HORMAD2: variants seen among roughly 807,000 people sequenced by gnomAD.
HORMAD2 encodes the protein HORMA domain containing 2.
A neutral mutation model predicts 38.8 loss-of-function variants in HORMAD2; 45 were observed. The observed-to-expected ratio is 1.16, with a 90% CI of 0.91 to 1.49. HORMAD2 has a LOEUF of 1.49. HORMAD2 is among the 40% of genes most tolerant of loss of function. The probability of loss-of-function intolerance (pLI) is 0.00; values close to 1 mark genes in which losing one functional copy is unlikely to be tolerated. For missense variants in HORMAD2, 338 were observed against 367.0 expected (o/e 0.92, Z 0.65); for synonymous variants, 126 against 122.8 (o/e 1.03, Z -0.17).
intron 1 of HORMAD2, among the ~76,000 whole-genome samples, chr22:30,082,043 A>G (rs916429105): frequency 1.3e-5 from 2 of 152,200 alleles, no homozygotes; most frequent in Non-Finnish European, 2.9e-5. Context: ...GCTGAAAAAA[A>G]GATTCTTCCT....
chr22:30,190,678 T>C, the HORMAD2 span, among the ~76,000 whole-genome samples: 507 of 152,324 alleles, frequency 3.3e-3, 3 homozygotes, highest in Middle Eastern at 0.014. Context: ...ACTGTGAAAG[T>C]GGCCCTGAGC....
rs1470314293 is a variant in HORMAD2, at chr22:30,112,532, C to T, written c.342+10C>T. On this transcript the variant is annotated intron_variant, in intron 7 of 10. Transcript: ENST00000336726. ...TCCCATGGGATCTGAGGTAAGAACACACACAAACGTATAGGTGGGTAGTAT... is the reference window on the plus strand; with the variant it reads ...TCCCATGGGATCTGAGGTAAGAACATACACAAACGTATAGGTGGGTAGTAT... The T allele has an allele frequency of 7.7e-7, 1 of 1,295,094 alleles. No individual in the cohort carries two copies. The highest frequency in any genetic ancestry group is 1.0e-6 in the Non-Finnish European group (1 of 964,200). 80.2% of individuals were successfully genotyped at this position (1,295,094 alleles called of 1,614,324 possible).
the HORMAD2 span, among the ~76,000 whole-genome samples, chr22:30,201,003 G>A: frequency 6.6e-6 from 1 of 152,088 alleles, no homozygotes; most frequent in Non-Finnish European, 1.5e-5. Context: ...GCCCACCTCG[G>A]CCTCCCAAAG....
intron 10 of HORMAD2, among the ~76,000 whole-genome samples, chr22:30,160,901 A>G (rs1359856371): frequency 1.3e-5 from 2 of 152,254 alleles, no homozygotes; most frequent in Non-Finnish European, 2.9e-5. Flanking sequence ...CATAAATAAT[A>G]TGAAAATTAA....
the HORMAD2 span, among the ~76,000 whole-genome samples, chr22:30,186,010 G>C: frequency 6.6e-6 from 1 of 151,878 alleles, no homozygotes; most frequent in Non-Finnish European, 1.5e-5. Flanking sequence ...TTTTCTTGGG[G>C]GGGGAGGCAT....
At chr22:30,079,517 T>A (rs1601485943), upstream of HORMAD2, among the ~76,000 whole-genome samples, 1 of 152,190 alleles carries the variant, frequency 6.6e-6, no homozygotes, top group Non-Finnish European at 1.5e-5. Flanking sequence ...TCTTTTTTTT[T>A]ATTTTTGAGA....
chr22:30,132,287 A>AC (rs1923335870), intron 10 of HORMAD2, among the ~76,000 whole-genome samples: 1 of 152,216 alleles, frequency 6.6e-6, no homozygotes, highest in African/African-American at 2.4e-5. Context: ...GCCTTAAAAA[A>AC]ACACACACAT....
intron 3 of HORMAD2, among the ~76,000 whole-genome samples, chr22:30,101,732 A>G (rs1426377678): frequency 1.3e-5 from 2 of 152,154 alleles, no homozygotes; most frequent in African/African-American, 4.8e-5. Flanking sequence ...TTACATCTGT[A>G]TTTAATGATA....
At chr22:30,154,010 C>T (rs534889779) in intron 10 of HORMAD2, among the ~76,000 whole-genome samples, 8 of 152,318 alleles carry the variant, frequency 5.3e-5, no homozygotes, top group Admixed American at 2.0e-4. Context: ...AGATGTCAAT[C>T]TATTCATGTC....
At chr22:30,119,742 A>G (rs1429876752) in intron 8 of HORMAD2, among the ~76,000 whole-genome samples, 3 of 152,172 alleles carry the variant, frequency 2.0e-5, no homozygotes, top group Non-Finnish European at 4.4e-5. Context: ...GAGGAATCCA[A>G]GTAAGGGGGA....
chr22:30,149,291 A>G (rs1391987008), intron 10 of HORMAD2, among the ~76,000 whole-genome samples: 1 of 152,180 alleles, frequency 6.6e-6, no homozygotes, highest in African/African-American at 2.4e-5. Context: ...GATTATCTGC[A>G]CTGCCCAAAA....
At chr22:30,141,020 A>G (rs1044027881) in intron 10 of HORMAD2, among the ~76,000 whole-genome samples, 12 of 151,318 alleles carry the variant, frequency 7.9e-5, no homozygotes, top group African/African-American at 2.9e-4. Flanking sequence ...TTGACACAGT[A>G]TCTCTCTCTC....
intron 5 of HORMAD2, among the ~76,000 whole-genome samples, chr22:30,109,565 C>A (rs1921471101): frequency 6.6e-6 from 1 of 152,142 alleles, no homozygotes; most frequent in African/African-American, 2.4e-5. Flanking sequence ...GATCTGCCCA[C>A]CTTGGGCTCC....
intron 10 of HORMAD2, among the ~76,000 whole-genome samples, chr22:30,147,989 G>T (rs1924522280): frequency 6.6e-6 from 1 of 152,046 alleles, no homozygotes. Flanking sequence ...TCACTCCTAG[G>T]TATTTACCCA....
chr22:30,197,578 A>G, the HORMAD2 span, among the ~76,000 whole-genome samples: 2 of 152,188 alleles, frequency 1.3e-5, no homozygotes, highest in South Asian at 4.1e-4. Flanking sequence ...GCCCTCAGCA[A>G]CAAGATTGGC....
intron 10 of HORMAD2, among the ~76,000 whole-genome samples, chr22:30,143,000 G>A (rs536281343): frequency 6.6e-6 from 1 of 151,898 alleles, no homozygotes; most frequent in East Asian, 1.9e-4. Context: ...TCTATTAATG[G>A]TACAAGATCA....
chr22:30,107,903 C>T (rs1315658315), intron 5 of HORMAD2, among the ~76,000 whole-genome samples: 1 of 147,760 alleles, frequency 6.8e-6, no homozygotes, highest in African/African-American at 2.5e-5. Context: ...GAGTCTCGCT[C>T]TATTGCCCAG....
chr22:30,083,964 G>T (rs1277948138), intron 1 of HORMAD2, among the ~76,000 whole-genome samples: 1 of 152,190 alleles, frequency 6.6e-6, no homozygotes. Context: ...AAGCAAAGGA[G>T]AATTTCATTT....
chr22:30,087,571 T>G (rs540190594), intron 1 of HORMAD2, among the ~76,000 whole-genome samples: 47 of 152,228 alleles, frequency 3.1e-4, no homozygotes, highest in African/African-American at 1.1e-3. Flanking sequence ...AGAAAAGAGG[T>G]TTAATTGGCT....
Sources: allele counts gnomAD v4.1 joint callset (sites outside exome capture counted in the v4.1 genomes callset), GRCh38; gene constraint gnomAD v4.1.1; transcripts MANE v1.5; gene names NCBI Gene and HGNC (gene_info 2026-07-23, HGNC 2026-07-21).